The following RAB40A variants were observed in gnomAD, a reference collection of about 807,000 sequenced individuals.
RAB40A encodes RAB40A, member RAS oncogene family.
For missense variants in RAB40A, 145 were observed against 230.2 expected, an observed-to-expected ratio of 0.63 and a Z score of 2.40; for synonymous variants, 65 against 99.9, an observed-to-expected ratio of 0.65 and a Z score of 2.08.
intron 2 of RAB40A, chrX:103,502,808 A>G (rs372177508): frequency 9.3e-6 from 7 of 748,968 alleles, no homozygotes; most frequent in Non-Finnish European, 1.1e-5. Flanking sequence ...TATCTGTGAG[A>G]TAGAACTGAC....
downstream of RAB40A, among the ~76,000 whole-genome samples, chrX:103,497,270 T>C (rs2073182309): frequency 8.9e-6 from 1 of 111,789 alleles, no homozygotes; most frequent in Non-Finnish European, 1.9e-5. Flanking sequence ...TCCTTGTTTC[T>C]ATTCTGGGGA....
intron 2 of RAB40A, among the ~76,000 whole-genome samples, chrX:103,504,232 C>G (rs556853686): frequency 9.0e-6 from 1 of 111,267 alleles, no homozygotes; most frequent in South Asian, 3.9e-4. Flanking sequence ...GTACTATGCT[C>G]ACTACCTGGG....
At chrX:103,507,596 A>T (rs769874008) in intron 2 of RAB40A, among the ~76,000 whole-genome samples, 1 of 111,869 alleles carries the variant, frequency 8.9e-6, no homozygotes, top group South Asian at 3.7e-4. Flanking sequence ...CTGAAAAAAA[A>T]CCCTTAAGTA....
downstream of RAB40A, among the ~76,000 whole-genome samples, chrX:103,494,967 G>T (rs184206291): frequency 0.1 from 11,289 of 111,575 alleles, 528 homozygotes; most frequent in South Asian, 0.21. Flanking sequence ...TTGGTATTTT[G>T]ATAGGGATTG....
At chrX:103,502,925 G>T in intron 2 of RAB40A, 7 of 765,549 alleles carry the variant, frequency 9.1e-6, no homozygotes, top group Non-Finnish European at 1.1e-5. Flanking sequence ...AGACACAGAA[G>T]TGGGGGCTGG....
At chrX:103,503,418 T>A in intron 2 of RAB40A, 1 of 753,641 alleles carries the variant, frequency 1.3e-6, no homozygotes, top group Non-Finnish European at 1.6e-6. Context: ...CTCCACAGCA[T>A]GCACGGGACA....
At chrX:103,495,742 T>C, downstream of RAB40A, among the ~76,000 whole-genome samples, 1 of 112,188 alleles carries the variant, frequency 8.9e-6, no homozygotes, top group Non-Finnish European at 1.9e-5. Flanking sequence ...TTGGGTTGTT[T>C]CCACTCTTTG....
chrX:103,503,749 T>C (rs2073240825), intron 2 of RAB40A, among the ~76,000 whole-genome samples: 1 of 111,090 alleles, frequency 9.0e-6, no homozygotes, highest in Admixed American at 9.6e-5. Flanking sequence ...AATCTCTGTG[T>C]ATTAGTCATG....
downstream of RAB40A, among the ~76,000 whole-genome samples, chrX:103,495,282 ATTTG>A (rs773695387): frequency 8.9e-5 from 10 of 111,985 alleles, no homozygotes; most frequent in East Asian, 5.5e-4. Flanking sequence ...ACTATACTGA[ATTTG>A]TTTATGAGTT....
chrX:103,504,517 T>A lies in RAB40A; in HGVS notation c.-70-3691A>T, dbSNP rs190700837. Among the ~76,000 whole-genome samples the A allele has an allele frequency of 3.0e-3, 330 of 110,040 alleles. 1 individual carries two copies. The highest frequency in any genetic ancestry group is 0.01 in the African/African-American group (313 of 30,334). ...GAAAGGCATCAGAATATATATATAT[T>A]TTTATTTTATTTTATTTTATTTTTT... On this transcript the variant is annotated intron_variant, in intron 2 of 2. Transcript: ENST00000304236.
At chrX:103,494,260 T>C (rs1365774831), downstream of RAB40A, among the ~76,000 whole-genome samples, 1 of 112,306 alleles carries the variant, frequency 8.9e-6, no homozygotes, top group Non-Finnish European at 1.9e-5. Flanking sequence ...TTCAAATCTT[T>C]TGCCCACCTT....
chrX:103,511,144 A>G (rs868249937), intron 2 of RAB40A, among the ~76,000 whole-genome samples: 4 of 111,570 alleles, frequency 3.6e-5, no homozygotes, highest in African/African-American at 1.3e-4. Context: ...ATGCCCATCA[A>G]TGATAGTCTG....
At chrX:103,513,559 A>G (rs2073302062) in intron 2 of RAB40A, among the ~76,000 whole-genome samples, 1 of 111,559 alleles carries the variant, frequency 9.0e-6, no homozygotes, top group African/African-American at 3.3e-5. Context: ...TGCATACCTA[A>G]ACTAACCGAG....
chrX:103,514,392 G>A (rs935071358), intron 2 of RAB40A, among the ~76,000 whole-genome samples: 7 of 111,462 alleles, frequency 6.3e-5, no homozygotes, highest in African/African-American at 2.3e-4. Context: ...CTCTGTCACC[G>A]AGGCTGGAGT....
At position 103,506,245 on chromosome X, in the gene RAB40A, C is replaced by A. The variant is rs933092610; in HGVS notation, c.-70-5419G>T. ...TTCACCCAAATAGTTTACATTGTAC[C>A]CAGTAGGTGATTTTTCATCCCTTAC... On this transcript the variant is annotated intron_variant, in intron 2 of 2. Transcript: ENST00000304236. Among the ~76,000 whole-genome samples, 5 of 111,165 alleles carry A rather than the reference C, an allele frequency of 4.5e-5. No individual in the cohort carries two copies. In the South Asian group the frequency reaches 1.9e-3, roughly 42 times the overall value.
At chrX:103,504,922 T>C (rs1287341807) in intron 2 of RAB40A, among the ~76,000 whole-genome samples, 4 of 112,439 alleles carry the variant, frequency 3.6e-5, no homozygotes, top group African/African-American at 1.3e-4. Context: ...GAGACACTTA[T>C]GTTTACAAGA....
chrX:103,496,291 CACTT>C (rs764731805), downstream of RAB40A, among the ~76,000 whole-genome samples: 5 of 112,060 alleles, frequency 4.5e-5, no homozygotes, highest in East Asian at 2.8e-4. Flanking sequence ...TCAATGGAAA[CACTT>C]AATTTATATC....
chrX:103,515,413 CT>C (rs901923133), intron 2 of RAB40A, among the ~76,000 whole-genome samples: 3 of 112,180 alleles, frequency 2.7e-5, no homozygotes, highest in Non-Finnish European at 5.6e-5. Flanking sequence ...TGTTTGTTTC[CT>C]TTCCCAATGT....
At chrX:103,504,522 T>C (rs1263356976) in intron 2 of RAB40A, among the ~76,000 whole-genome samples, 1 of 110,778 alleles carries the variant, frequency 9.0e-6, no homozygotes, top group Admixed American at 9.7e-5. Context: ...TATATTTTTA[T>C]TTTATTTTAT....
Sources: gnomAD v4.1 joint callset for allele counts (sites outside exome capture counted in the v4.1 genomes callset) on GRCh38, gnomAD v4.1.1 for gene constraint, MANE v1.5 for transcripts, NCBI Gene and HGNC (gene_info 2026-07-23, HGNC 2026-07-21) for gene names.